Variants in LRSAM1 observed in about 807,000 individuals in gnomAD.
LRSAM1 encodes E3 ubiquitin-protein ligase LRSAM1.
Under a neutral mutation model 118.1 loss-of-function variants are expected in LRSAM1, and 96 were observed. The observed-to-expected ratio is 0.81, with a 90% CI of 0.69 to 0.96. The LOEUF is 0.96. Ranked by LOEUF, LRSAM1 falls within the 40% of genes least tolerant of loss-of-function variation. The pLI is 0.00. For missense variants in LRSAM1, 804 were observed against 915.5 expected (o/e 0.88, Z 1.57); for synonymous variants, 322 against 364.2 (o/e 0.88, Z 1.32).
chr9:127,457,176 C>A, intron 5 of LRSAM1, 140 bp from the exon 6 acceptor site: 2 of 831,726 alleles, frequency 2.4e-6, no homozygotes, highest in Non-Finnish European at 4.0e-6. Context: ...GTTCATGATA[C>A]TGACCCGCAT....
intron 7 of LRSAM1, among the ~76,000 whole-genome samples, chr9:127,460,191 G>A (rs975796785): frequency 7.2e-5 from 11 of 151,980 alleles, no homozygotes; most frequent in African/African-American, 2.2e-4. Context: ...GTAGAGACGG[G>A]GTTTCACCAT....
chr9:127,471,656 G>C (rs1454886297), intron 10 of LRSAM1, among the ~76,000 whole-genome samples: 1 of 150,650 alleles, frequency 6.6e-6, no homozygotes, highest in Non-Finnish European at 1.5e-5. Flanking sequence ...GCGTGGTGAT[G>C]CATGCCTGTA....
intron 2 of LRSAM1, among the ~76,000 whole-genome samples, chr9:127,452,922 C>T (rs1025209734): frequency 6.6e-6 from 1 of 152,174 alleles, no homozygotes; most frequent in Non-Finnish European, 1.5e-5. Context: ...GCTCTGAGTT[C>T]AGGACAGTGT....
At chr9:127,495,292 C>A in intron 21 of LRSAM1, 28 bp from the exon 22 acceptor site, 1 of 1,601,732 alleles carries the variant, frequency 6.2e-7, no homozygotes, top group Non-Finnish European at 8.6e-7. Flanking sequence ...CATTTTGTGA[C>A]TAACATTGCC....
At chr9:127,485,473 G>A (rs1054390100) in intron 16 of LRSAM1, among the ~76,000 whole-genome samples, 10 of 152,054 alleles carry the variant, frequency 6.6e-5, no homozygotes, top group African/African-American at 1.9e-4. Context: ...GGAGAATGGC[G>A]GGAACCTGGG....
At chr9:127,502,713 C>T (rs1004950872) in intron 25 of LRSAM1, 61 bp from the exon 26 acceptor site, 22 of 1,287,972 alleles carry the variant, frequency 1.7e-5, no homozygotes, top group Middle Eastern at 5.4e-4. Flanking sequence ...AAAAAAAAGA[C>T]GGGCCTGGGA....
At chr9:127,466,496 A>G (rs1411980219) in intron 9 of LRSAM1, among the ~76,000 whole-genome samples, 1 of 19,138 alleles carries the variant, frequency 5.2e-5, no homozygotes, top group African/African-American at 2.3e-4. Context: ...ATATATATAT[A>G]TATATATATT....
chr9:127,486,258 G>A (rs1835727128), intron 17 of LRSAM1: 1 of 320,258 alleles, frequency 3.1e-6, no homozygotes, highest in Non-Finnish European at 6.1e-6. Flanking sequence ...GTGTGCTCTT[G>A]ACTGTGGTAC....
Position 127,478,946 on chromosome 9 carries a change from G to C in LRSAM1, c.763G>C (p.Asp255His). The C allele has an allele frequency of 6.2e-7, 1 of 1,614,084 alleles. No individual in the cohort carries two copies. ...TTTTTCCTCCCAGAACAGGTTCTCA[G>C]ACTATGAGAAGAGGAAGGTAAGAAA... ...EELEWQNRFSDYEKRKEQKML... is the reference protein window; with the variant it reads ...EELEWQNRFSHYEKRKEQKML... The change falls in exon 12 of 26, where the codon GAC becomes CAC. Residue 255 changes from aspartate (D) to histidine (H), a missense_variant. Transcript: ENST00000300417.
Position 127,467,805 on chromosome 9 carries a change from G to A in LRSAM1, c.594G>A (p.Ala198=), listed in dbSNP as rs1835016618. Reference sequence around the variant, plus strand: ...GGGAGGTGTGTGGTGCCGGCACTGCGGCCATCTTGCAGTTCCTCTGCAAAG... The same window carrying A: ...GGGAGGTGTGTGGTGCCGGCACTGCAGCCATCTTGCAGTTCCTCTGCAAAG... ...PPREVCGAGT[A]AILQFLCKES... Residue 198 remains alanine, a synonymous_variant, in exon 10 of 26, where the codon GCG becomes GCA. Coordinates refer to ENST00000300417, the MANE Select transcript of LRSAM1 (RefSeq NM_001005373.4). 8 of 1,605,178 alleles carry A rather than the reference G, an allele frequency of 5.0e-6. No individual in the cohort carries two copies. The highest frequency in any genetic ancestry group is 3.4e-5 in the South Asian group (3 of 89,406).
At chr9:127,489,639 CAA>C (rs1189019017) in intron 19 of LRSAM1, 121 bp downstream of exon 19, 2 of 1,121,942 alleles carry the variant, frequency 1.8e-6, no homozygotes, top group East Asian at 5.2e-5. Flanking sequence ...GCTAGCCCAA[CAA>C]GAGGTCGAGG....
chr9:127,468,016 T>C (rs552266833), intron 10 of LRSAM1, among the ~76,000 whole-genome samples, 186 bp downstream of exon 10: 64 of 152,170 alleles, frequency 4.2e-4, no homozygotes, highest in Non-Finnish European at 7.9e-4. Context: ...ATACAGACTG[T>C]GGTTATGGGA....
In LRSAM1 at chr9:127,459,078, C is replaced by T; in HGVS notation, c.321+7C>T. On this transcript the variant is annotated splice_region_variant and intron_variant, in intron 7 of 25. Coordinates refer to ENST00000300417, the MANE Select transcript of LRSAM1 (RefSeq NM_001005373.4). ...GCAGCTGACTGCCCTCCAGGTAAGG[C>T]TGCAGAAACAGAAACCCACCTCGGA... 6.2e-7 allele frequency: 1 copy of T among 1,613,332 alleles called. No homozygotes were observed.
intron 19 of LRSAM1, among the ~76,000 whole-genome samples, chr9:127,490,627 C>T (rs986912590): frequency 6.6e-6 from 1 of 152,164 alleles, no homozygotes; most frequent in Admixed American, 6.5e-5. Flanking sequence ...AAGTGAGAAC[C>T]TCTCTGAGCC....
At chr9:127,478,804 A>G (rs528463549) in intron 11 of LRSAM1, 130 bp from the exon 12 acceptor site, 3 of 866,702 alleles carry the variant, frequency 3.5e-6, no homozygotes, top group Non-Finnish European at 5.8e-6. Context: ...CGACCCCACC[A>G]TTCTGAGGCA....
chr9:127,462,782 T>G (rs1179975874), intron 9 of LRSAM1, among the ~76,000 whole-genome samples: 1 of 151,870 alleles, frequency 6.6e-6, no homozygotes, highest in Non-Finnish European at 1.5e-5. Context: ...TGGCACATGT[T>G]TACCTTTGTA....
rs750981844 is a variant in LRSAM1, at chr9:127,497,335, G to A, written c.1912+1G>A. 6.2e-7 allele frequency: 1 copy of A among 1,611,824 alleles called. No homozygotes were observed. The highest frequency in any genetic ancestry group is 1.7e-5 in the Admixed American group (1 of 60,030). On this transcript the variant is annotated splice_donor_variant, in intron 24 of 25. Coordinates refer to ENST00000300417, the MANE Select transcript of LRSAM1 (RefSeq NM_001005373.4). LOFTEE classifies it high-confidence loss of function. Reference sequence around the variant, plus strand: ...CTGGATGCAGCCAGGATCCAGCCAGGTACAAGCACAGCTCCAGCCTCTTCC... The same window carrying A: ...CTGGATGCAGCCAGGATCCAGCCAGATACAAGCACAGCTCCAGCCTCTTCC...
At chr9:127,460,227 T>C (rs1206450031) in intron 7 of LRSAM1, among the ~76,000 whole-genome samples, 3 of 152,032 alleles carry the variant, frequency 2.0e-5, no homozygotes, top group Non-Finnish European at 4.4e-5. Flanking sequence ...CTCAATCTCC[T>C]GATCTCATGA....
In LRSAM1 at chr9:127,501,009, G is replaced by C; in HGVS notation, c.1913-1G>C. 1 of 1,613,974 alleles carries C rather than the reference G, an allele frequency of 6.2e-7. No homozygotes were observed. Among genetic ancestry groups the C allele is most frequent in the Non-Finnish European group, 8.5e-7 (1 of 1,180,020 alleles). On this transcript the variant is annotated splice_acceptor_variant, in intron 24 of 25. Coordinates refer to ENST00000300417, the MANE Select transcript of LRSAM1 (RefSeq NM_001005373.4). LOFTEE classifies it high-confidence loss of function. ...TCAGTCTGTCTGTCTGGTCCCCACA[G>C]AGCTGAAACCACCAATGGGTGAGGT...
Sources: allele counts gnomAD v4.1 joint callset (sites outside exome capture counted in the v4.1 genomes callset), GRCh38; gene constraint gnomAD v4.1.1; transcripts MANE v1.5; gene names NCBI Gene and HGNC (gene_info 2026-07-23, HGNC 2026-07-21).